EIF3F: variants seen among roughly 807,000 people sequenced by gnomAD.
EIF3F encodes deubiquitinating enzyme eIF3f.
Under a neutral mutation model 36.0 loss-of-function variants are expected in EIF3F, and 8 were observed. The ratio of observed to expected loss-of-function variants is 0.22; its 90% CI spans 0.13 to 0.40. The LOEUF (loss-of-function observed/expected upper bound fraction) is 0.40, where lower values mean the gene tolerates loss of function less well. EIF3F is among the 10% of genes least tolerant of loss of function. EIF3F has a pLI of 1.00. For synonymous variants in EIF3F, 184 were observed against 188.5 expected (o/e 0.98, Z 0.19); for missense variants, 430 against 467.6 (o/e 0.92, Z 0.74).
rs763932999 is a variant in EIF3F, at chr11:7,994,464, T to A, written c.692T>A (p.Met231Lys). 6.2e-7 allele frequency: 1 copy of A among 1,614,082 alleles called. No individual in the cohort carries two copies. Among genetic ancestry groups the A allele is most frequent in the South Asian group, 1.1e-5 (1 of 91,044 alleles). Residue 231 changes from methionine (M) to lysine (K), a missense_variant, in exon 5 of 8, where the codon ATG becomes AAG. Physicochemically the swap from Met to Lys is moderately conservative, Grantham distance 95. This residue lies in a region of EIF3F where 262 missense variants were observed against 347.4 expected (regional missense o/e 0.75). Transcript: ENST00000651655. The part of the protein sequence containing the change: ...MGVPGRTMGV[M>K]FTPLTVKYAY... Reference sequence around the variant, plus strand: ...GTCCCTGGGAGGACCATGGGAGTGATGTTCACGCCTCTGACAGTGAAATAC... The same window carrying A: ...GTCCCTGGGAGGACCATGGGAGTGAAGTTCACGCCTCTGACAGTGAAATAC...
chr11:7,993,089 A>G (rs1942116353), intron 4 of EIF3F, 65 bp downstream of exon 4: 1 of 1,494,800 alleles, frequency 6.7e-7, no homozygotes. Flanking sequence ...CCCCCACCCC[A>G]AGCAAGGTTA....
chr11:8,000,479 G>A lies in EIF3F; in HGVS notation c.*4457G>A, dbSNP rs1021081657. ...GAGTAGTACGTTCCGGAGACCTGTT[G>A]TGCAGCAGGGTGACTAGTTAATGTA... On this transcript the variant is annotated 3_prime_UTR_variant, in exon 8 of 8. Transcript: ENST00000651655. 3.3e-5 allele frequency: 5 copies of A among 152,162 alleles called. No homozygotes were observed. The highest frequency in any genetic ancestry group is 1.2e-4 in the African/African-American group (5 of 41,430). 9.4% of individuals were successfully genotyped at this position (152,162 alleles called of 1,614,324 possible).
intron 4 of EIF3F, 31 bp from the exon 5 acceptor site, chr11:7,994,395 C>T: frequency 6.3e-7 from 1 of 1,598,778 alleles, no homozygotes; most frequent in Non-Finnish European, 8.6e-7. Context: ...CTCCCAAGGC[C>T]ATCTGTTTAC....
intron 5 of EIF3F, chr11:7,994,744 T>A (rs1344076336): frequency 2.9e-6 from 2 of 696,796 alleles, no homozygotes; most frequent in East Asian, 5.5e-5. Context: ...CCACATACCA[T>A]TCACATGAGA....
intron 1 of EIF3F, among the ~76,000 whole-genome samples, chr11:7,989,249 A>T (rs887009418): frequency 6.6e-6 from 1 of 152,090 alleles, no homozygotes; most frequent in Non-Finnish European, 1.5e-5. Context: ...GCAAATACTT[A>T]CTCTTTTGGC....
rs76525193 is a variant in EIF3F at position 7,987,927 on chromosome 11, G to A, written c.364+211G>A. On this transcript the variant is annotated intron_variant, in intron 1 of 7. Coordinates refer to ENST00000651655, the MANE Select transcript of EIF3F (RefSeq NM_003754.3). ...CTCCTCTCTCTCCTGCCGGATTGCT[G>A]TCACTTTAAGCGACATAAAATACAC... 501 of 659,014 alleles carry A rather than the reference G, an allele frequency of 7.6e-4. 2 individuals carry two copies. In the African/African-American group the frequency reaches 9.0e-3, roughly 12 times the overall value. The allele number at this position is 659,014 out of a possible 1,614,324, so 40.8% of individuals were successfully genotyped here.
At position 7,987,577 on chromosome 11, in the gene EIF3F, C is replaced by G. The variant is rs375415343; in HGVS notation, c.225C>G (p.Pro75=). The G allele has an allele frequency of 6.3e-7, 1 of 1,597,102 alleles. No homozygotes were observed. Among genetic ancestry groups the G allele is most frequent in the Non-Finnish European group, 8.5e-7 (1 of 1,173,202 alleles). ...AAGCTCCAGCGCAGACCCCAGCGCC[C>G]GCTCTGCCTGGTCCTGCTCTTCCAG... The part of the protein sequence containing the change: ...SAQAPAQTPA[P]ALPGPALPGP... Residue 75 remains proline (P), a synonymous_variant, in exon 1 of 8, where the codon CCC becomes CCG. Coordinates refer to ENST00000651655, the MANE Select transcript of EIF3F (RefSeq NM_003754.3).
chr11:7,987,559 A>C lies in EIF3F; in HGVS notation c.207A>C (p.Pro69=). 1 of 1,598,890 alleles carries C rather than the reference A, an allele frequency of 6.3e-7. No individual in the cohort carries two copies. Among genetic ancestry groups the C allele is most frequent in the African/African-American group, 1.3e-5 (1 of 74,218 alleles). ...AGACCCCGGCCTCAGCGCAAGCTCC[A>C]GCGCAGACCCCAGCGCCCGCTCTGC... The part of the protein sequence containing the change: ...PGQTPASAQA[P]AQTPAPALPG... The change falls in exon 1 of 8, where the codon CCA becomes CCC. Residue 69 remains proline (P), a synonymous_variant. Coordinates refer to ENST00000651655, the MANE Select transcript of EIF3F (RefSeq NM_003754.3).
At chr11:7,992,291 T>C in intron 3 of EIF3F, 128 bp downstream of exon 3, 1 of 815,610 alleles carries the variant, frequency 1.2e-6, no homozygotes, top group South Asian at 1.8e-5. Flanking sequence ...TATTACTGAC[T>C]GTGAGCAGTG....
intron 2 of EIF3F, 63 bp from the exon 3 acceptor site, chr11:7,992,021 T>C: frequency 6.3e-7 from 1 of 1,575,420 alleles, no homozygotes; most frequent in South Asian, 1.1e-5. Flanking sequence ...CCTCTTGTCC[T>C]TTTTAACCAA....
In EIF3F at chr11:7,987,483, C is replaced by G. The variant is rs757388352; in HGVS notation, c.131C>G (p.Ala44Gly). The G allele has an allele frequency of 6.2e-7, 1 of 1,606,822 alleles. No homozygotes were observed. Among genetic ancestry groups the G allele is most frequent in the Non-Finnish European group, 8.5e-7 (1 of 1,178,740 alleles). Residue 44 changes from alanine to glycine, a missense_variant, in exon 1 of 8, where the codon GCC becomes GGC. Coordinates refer to ENST00000651655, the MANE Select transcript of EIF3F (RefSeq NM_003754.3). ...AAAPVPAAAP[A>G]SSSDPAAAAA... ...GCTCCGGTTCCCGCTGCGGCTCCAG[C>G]CTCATCCTCAGACCCTGCGGCAGCA...
rs185201024 is a variant in EIF3F at position 7,999,578 on chromosome 11, T to A, written c.*3556T>A. 6.6e-6 allele frequency: 1 copy of A among 152,098 alleles called. No individual in the cohort carries two copies. Among genetic ancestry groups the A allele is most frequent in the Admixed American group, 6.5e-5 (1 of 15,268 alleles). 9.4% of individuals were successfully genotyped at this position (152,098 alleles called of 1,614,324 possible). A position where few individuals can be genotyped will look rare whatever the true frequency, so the allele number is the denominator to read the frequency against. On this transcript the variant is annotated 3_prime_UTR_variant, in exon 8 of 8. Transcript: ENST00000651655. ...AGAGGGAAACTAGCCCTTCCAGATATAAAATATATTATAGAACTGTGTAAT... is the reference window on the plus strand; with the variant it reads ...AGAGGGAAACTAGCCCTTCCAGATAAAAAATATATTATAGAACTGTGTAAT...
chr11:7,987,371 C>A lies in EIF3F; in HGVS notation c.19C>A (p.Pro7Thr), dbSNP rs200048982. MATPAVPVSAPPATPTP... is the reference protein window; with the variant it reads MATPAVTVSAPPATPTP... Reference sequence around the variant, plus strand: ...CGACAAGATGGCCACACCGGCGGTACCAGTAAGTGCTCCTCCGGCCACGCC... The same window carrying A: ...CGACAAGATGGCCACACCGGCGGTAACAGTAAGTGCTCCTCCGGCCACGCC... The change falls in exon 1 of 8, where the codon CCA (proline) becomes ACA (threonine). Residue 7 changes from proline to threonine, a missense_variant. Physicochemically the swap from Pro to Thr is conservative, Grantham distance 38. Transcript: ENST00000651655. 2 of 1,595,852 alleles carry A rather than the reference C, an allele frequency of 1.3e-6. No individual in the cohort carries two copies. The highest frequency in any genetic ancestry group is 2.2e-5 in the East Asian group (1 of 44,712).
In EIF3F at chr11:7,998,560, A is replaced by G. The variant is rs763922146; in HGVS notation, c.*2538A>G. The G allele has an allele frequency of 1.3e-5, 2 of 152,218 alleles. No individual in the cohort carries two copies. The highest frequency in any genetic ancestry group is 4.8e-5 in the African/African-American group (2 of 41,448). 9.4% of individuals were successfully genotyped at this position (152,218 alleles called of 1,614,324 possible). A position where few individuals can be genotyped will look rare whatever the true frequency, so the allele number is the denominator to read the frequency against. On this transcript the variant is annotated 3_prime_UTR_variant, in exon 8 of 8. Transcript: ENST00000651655. Reference sequence around the variant, plus strand: ...GGGAACATGGAGAGCAGGCAATTCAAATTTTTTCACATGCTGCATGTCCGC... The same window carrying G: ...GGGAACATGGAGAGCAGGCAATTCAGATTTTTTCACATGCTGCATGTCCGC...
chr11:7,991,985 G>GGGCCTCTTCTGTTTATTGGGGGT (rs1326634259), intron 2 of EIF3F, 99 bp from the exon 3 acceptor site: 3 of 1,483,252 alleles, frequency 2.0e-6, no homozygotes, highest in Non-Finnish European at 2.8e-6. Context: ...CGTACTTCCT[G>GGGCCTCTTCTGTTTATTGGGGGT]GGCCTCTTCT....
In EIF3F at chr11:7,991,878, T is replaced by A. The variant is rs750792058; in HGVS notation, c.435+27T>A. 44 of 1,613,744 alleles carry A rather than the reference T, an allele frequency of 2.7e-5. No homozygotes were observed. In the African/African-American group the frequency reaches 5.1e-4, roughly 19 times the overall value. ...TGAGTGGGAATCCAAGCTGTCCCTC[T>A]GCAGTTTTTAGCTGTTCATTTGCTC... On this transcript the variant is annotated intron_variant, in intron 2 of 7. Transcript: ENST00000651655.
chr11:7,990,071 A>G (rs1332883496), intron 1 of EIF3F, among the ~76,000 whole-genome samples: 6 of 152,214 alleles, frequency 3.9e-5, no homozygotes, highest in Non-Finnish European at 2.9e-5. Flanking sequence ...GAGTTGAGAG[A>G]TAGGAAATAA....
intron 4 of EIF3F, 89 bp downstream of exon 4, chr11:7,993,113 G>C (rs1308498208): frequency 1.4e-6 from 2 of 1,418,016 alleles, no homozygotes; most frequent in Non-Finnish European, 1.9e-6. Flanking sequence ...CCTTCCATGT[G>C]TAACTTGCTG....
chr11:7,991,701 TC>T, intron 1 of EIF3F, 79 bp from the exon 2 acceptor site: 1 of 1,365,268 alleles, frequency 7.3e-7, no homozygotes, highest in Non-Finnish European at 1.0e-6. Flanking sequence ...GAAGAGATCA[TC>T]AAAAGCATTT....
Sources: allele counts gnomAD v4.1 joint callset (sites outside exome capture counted in the v4.1 genomes callset), GRCh38; gene constraint gnomAD v4.1.1; regional missense constraint gnomAD v4.1.1; transcripts MANE v1.5; gene names NCBI Gene and HGNC (gene_info 2026-07-23, HGNC 2026-07-21).